DCC: variants seen among roughly 807,000 people sequenced by gnomAD.
DCC encodes netrin receptor DCC.
In DCC, 58 loss-of-function variants were observed where a neutral mutation model predicts 172.5. The observed-to-expected ratio is 0.34, with a 90% CI of 0.27 to 0.42. The LOEUF (loss-of-function observed/expected upper bound fraction) is 0.42, where lower values mean the gene tolerates loss of function less well. DCC is among the 10% of genes least tolerant of loss of function. The probability of loss-of-function intolerance (pLI) is 1.00; values close to 1 mark genes in which losing one functional copy is unlikely to be tolerated. For synonymous variants in DCC, 709 were observed against 644.5 expected (o/e 1.10, Z -1.52); for missense variants, 1,740 against 1,791.0 (o/e 0.97, Z 0.51).
Position 52,382,236 on chromosome 18 carries a change from AC to A in DCC, c.91+41359del, listed in dbSNP as rs1454148744. On this transcript the variant is annotated intron_variant, in intron 1 of 28. Transcript: ENST00000442544. The stretch of plus-strand genomic sequence containing the variant: ...TTAGAGGAAACAGACAAATAAAATC[AC>A]AATAATTTACGTGCTATAATAAAAT... Among the ~76,000 whole-genome samples the A allele has an allele frequency of 2.0e-5, 3 of 152,286 alleles. No individual in the cohort carries two copies. In the East Asian group the frequency reaches 5.8e-4, roughly 29 times the overall value.
At chr18:53,109,048 C>G (rs747271301) in intron 7 of DCC, among the ~76,000 whole-genome samples, 1 of 151,142 alleles carries the variant, frequency 6.6e-6, no homozygotes, top group Non-Finnish European at 1.5e-5. Flanking sequence ...GTTGCAATTA[C>G]TCTATATTCT....
At chr18:52,955,809 T>A (rs1314371801) in intron 5 of DCC, among the ~76,000 whole-genome samples, 2 of 152,156 alleles carry the variant, frequency 1.3e-5, no homozygotes, top group Admixed American at 6.6e-5. Context: ...TAACATATGA[T>A]ACTGAATGCA....
intron 12 of DCC, among the ~76,000 whole-genome samples, chr18:53,216,563 A>G (rs750460213): frequency 2.6e-5 from 4 of 152,156 alleles, no homozygotes; most frequent in Non-Finnish European, 5.9e-5. Context: ...TGAGAAAGTA[A>G]TAGTAAAATG....
At chr18:52,813,534 G>A (rs1157735304) in intron 2 of DCC, among the ~76,000 whole-genome samples, 1 of 152,116 alleles carries the variant, frequency 6.6e-6, no homozygotes, top group Non-Finnish European at 1.5e-5. Context: ...AGGGGACAGT[G>A]GAAACTTAAA....
intron 1 of DCC, among the ~76,000 whole-genome samples, chr18:52,414,225 T>G (rs922820629): frequency 2.6e-5 from 4 of 152,062 alleles, no homozygotes; most frequent in Admixed American, 6.6e-5. Context: ...GGAATACAGG[T>G]GCCCGCCACC....
chr18:53,504,516 G>A (rs1568173707), intron 27 of DCC, among the ~76,000 whole-genome samples: 1 of 152,280 alleles, frequency 6.6e-6, no homozygotes, highest in South Asian at 2.1e-4. Flanking sequence ...TATCGGTGTG[G>A]CTTTTTGGTA....
intron 5 of DCC, among the ~76,000 whole-genome samples, chr18:53,008,798 T>G (rs1285755445): frequency 6.6e-6 from 1 of 151,998 alleles, no homozygotes; most frequent in Non-Finnish European, 1.5e-5. Flanking sequence ...GGTACTAATT[T>G]TGATTTATTC....
chr18:53,054,647 C>T (rs886429766), intron 5 of DCC, among the ~76,000 whole-genome samples: 4 of 152,008 alleles, frequency 2.6e-5, no homozygotes, highest in East Asian at 1.9e-4. Flanking sequence ...ACTCTGATTA[C>T]AGGAAGAGCT....
intron 15 of DCC, among the ~76,000 whole-genome samples, chr18:53,344,415 T>C (rs2057697436): frequency 6.6e-6 from 1 of 150,806 alleles, no homozygotes; most frequent in East Asian, 2.0e-4. Flanking sequence ...TTATTATTGG[T>C]TTTCTTTTCT....
chr18:52,986,755 C>A (rs1004730368), intron 5 of DCC, among the ~76,000 whole-genome samples: 1 of 151,698 alleles, frequency 6.6e-6, no homozygotes, highest in Non-Finnish European at 1.5e-5. Flanking sequence ...TACACACACA[C>A]GTGTAGTATA....
intron 1 of DCC, among the ~76,000 whole-genome samples, chr18:52,521,559 G>T (rs2031818560): frequency 6.6e-6 from 1 of 152,020 alleles, no homozygotes; most frequent in South Asian, 2.1e-4. Context: ...GGAGTTAGAG[G>T]TTCAATATAT....
intron 20 of DCC, among the ~76,000 whole-genome samples, chr18:53,415,483 G>T (rs1352735671): frequency 6.6e-6 from 1 of 151,700 alleles, no homozygotes. Flanking sequence ...AGTTTCATCT[G>T]GTTAGCAGAA....
chr18:53,294,593 G>T (rs559311707), intron 12 of DCC, among the ~76,000 whole-genome samples: 107 of 152,294 alleles, frequency 7.0e-4, no homozygotes, highest in African/African-American at 2.5e-3. Flanking sequence ...GACAGTCATC[G>T]CTGGAGGACT....
At chr18:52,353,167 G>A (rs186597751) in intron 1 of DCC, among the ~76,000 whole-genome samples, 13 of 152,240 alleles carry the variant, frequency 8.5e-5, no homozygotes, top group South Asian at 2.1e-4. Flanking sequence ...GTGGTTTAGC[G>A]GCAAATATAT....
At chr18:52,384,172 A>T (rs1985700294) in intron 1 of DCC, among the ~76,000 whole-genome samples, 1 of 152,140 alleles carries the variant, frequency 6.6e-6, no homozygotes, top group African/African-American at 2.4e-5. Context: ...GCAGCCCAAC[A>T]CTGGGCACTC....
chr18:52,896,084 C>T (rs557998019), intron 2 of DCC, among the ~76,000 whole-genome samples: 2 of 152,042 alleles, frequency 1.3e-5, no homozygotes, highest in African/African-American at 2.4e-5. Flanking sequence ...TGCACCCAGC[C>T]GTGGTTAAAT....
intron 1 of DCC, among the ~76,000 whole-genome samples, chr18:52,396,004 CTG>C (rs1986212234): frequency 6.6e-6 from 1 of 151,962 alleles, no homozygotes. Context: ...GCCACCCTCC[CTG>C]CTGAGTTCTA....
intron 13 of DCC, among the ~76,000 whole-genome samples, chr18:53,313,033 G>A (rs1183089924): frequency 6.9e-6 from 1 of 144,548 alleles, no homozygotes; most frequent in African/African-American, 2.6e-5. Flanking sequence ...AGGGAAGAAG[G>A]AGGAAAGGGA....
chr18:52,515,930 A>G (rs199872802), intron 1 of DCC, among the ~76,000 whole-genome samples: 1 of 145,872 alleles, frequency 6.9e-6, no homozygotes, highest in East Asian at 2.0e-4. Context: ...AGAAAATGGA[A>G]AAAAAAAAAA....
Sources: gnomAD v4.1 joint callset for allele counts (sites outside exome capture counted in the v4.1 genomes callset) on GRCh38, gnomAD v4.1.1 for gene constraint, MANE v1.5 for transcripts, NCBI Gene and HGNC (gene_info 2026-07-23, HGNC 2026-07-21) for gene names.